YBX1: variants seen among roughly 807,000 people sequenced by gnomAD.
The protein encoded by YBX1 is Y-box-binding protein 1.
A neutral mutation model predicts 41.4 loss-of-function variants in YBX1; 3 were observed. That is an observed-to-expected ratio of 0.07 (90% confidence interval 0.03 to 0.19). The LOEUF is 0.19. Ranked by LOEUF, YBX1 falls within the 10% of genes least tolerant of loss-of-function variation. The pLI, the probability that YBX1 is intolerant of heterozygous loss-of-function variation, is 1.00. For synonymous variants in YBX1, 133 were observed against 165.8 expected, an observed-to-expected ratio of 0.80 and a Z score of 1.52; for missense variants, 274 against 462.8, an observed-to-expected ratio of 0.59 and a Z score of 3.74.
intron 6 of YBX1, among the ~76,000 whole-genome samples, chr1:42,700,322 G>A (rs1650563137): frequency 6.6e-6 from 1 of 152,032 alleles, no homozygotes; most frequent in Non-Finnish European, 1.5e-5. Context: ...TCTTTATCTT[G>A]GTGATTAAAA....
chr1:42,701,267 A>C (rs1020823829), intron 7 of YBX1, among the ~76,000 whole-genome samples: 1 of 152,304 alleles, frequency 6.6e-6, no homozygotes, highest in Middle Eastern at 3.4e-3. Context: ...CAATTCTGAC[A>C]CTGGAGACCT....
At chr1:42,690,296 CAT>C (rs1000422870) in intron 2 of YBX1, among the ~76,000 whole-genome samples, 1 of 150,682 alleles carries the variant, frequency 6.6e-6, no homozygotes, top group Admixed American at 6.6e-5. Flanking sequence ...GCAAATATCA[CAT>C]ATATTTCCAT....
At chr1:42,695,478 T>G (rs1269093518) in intron 3 of YBX1, among the ~76,000 whole-genome samples, 1 of 152,210 alleles carries the variant, frequency 6.6e-6, no homozygotes, top group Non-Finnish European at 1.5e-5. Context: ...ATAATGAGAT[T>G]GAATAGATAG....
intron 2 of YBX1, among the ~76,000 whole-genome samples, chr1:42,692,491 A>G (rs1163558197): frequency 3.3e-5 from 5 of 152,176 alleles, no homozygotes; most frequent in Admixed American, 2.6e-4. Flanking sequence ...AAATGTTCTT[A>G]TAATAATCCA....
chr1:42,701,218 A>C (rs1238549411), intron 7 of YBX1, among the ~76,000 whole-genome samples, 172 bp downstream of exon 7: 1 of 152,168 alleles, frequency 6.6e-6, no homozygotes, highest in African/African-American at 2.4e-5. Context: ...AGGAATATTG[A>C]ATATCAGAGT....
chr1:42,694,527 C>T (rs1650413782), intron 3 of YBX1, among the ~76,000 whole-genome samples: 1 of 152,168 alleles, frequency 6.6e-6, no homozygotes, highest in African/African-American at 2.4e-5. Context: ...TCCATACTCA[C>T]ATTTAATTAG....
Position 42,698,733 on chromosome 1 carries a change from T to A in YBX1, c.740+1471T>A, listed in dbSNP as rs780191691. Among the ~76,000 whole-genome samples the A allele has an allele frequency of 2.7e-5, 4 of 150,152 alleles. No homozygotes were observed. The South Asian group carries it at 8.3e-4, about 31-fold the overall frequency. On this transcript the variant is annotated intron_variant, in intron 6 of 7. Transcript: ENST00000321358. The stretch of plus-strand genomic sequence containing the variant: ...CATTGTTACCCCTCCAGTGCAGAGG[T>A]TTTTGCCTTTTGGTTTAAGTTAGAC...
At chr1:42,683,335 C>G in intron 1 of YBX1, 68 bp from the exon 2 acceptor site, 1 of 1,602,228 alleles carries the variant, frequency 6.2e-7, no homozygotes, top group Non-Finnish European at 8.6e-7. Flanking sequence ...ACCGGATGCC[C>G]AAGCCGGGCG....
At chr1:42,686,659 A>G (rs1251633831) in intron 2 of YBX1, among the ~76,000 whole-genome samples, 1 of 152,216 alleles carries the variant, frequency 6.6e-6, no homozygotes, top group Non-Finnish European at 1.5e-5. Context: ...TGGGGATTCC[A>G]TATGTACATA....
rs561343070 is a variant in YBX1, at chr1:42,683,823, A to C, written c.230+357A>C. Among the ~76,000 whole-genome samples the C allele has an allele frequency of 2.0e-5, 3 of 151,986 alleles. No homozygotes were observed. In the East Asian group the frequency reaches 5.8e-4, roughly 29 times the overall value. On this transcript the variant is annotated intron_variant, in intron 2 of 7. Transcript: ENST00000321358. Reference sequence around the variant, plus strand: ...TTGTCATCTTTTTCTACTTTATTGAACTCGGTATTTGAGAATGTGATCCAC... The same window carrying C: ...TTGTCATCTTTTTCTACTTTATTGACCTCGGTATTTGAGAATGTGATCCAC...
At chr1:42,695,994 T>TG (rs1409660174) in intron 3 of YBX1, among the ~76,000 whole-genome samples, 3 of 152,230 alleles carry the variant, frequency 2.0e-5, no homozygotes, top group Non-Finnish European at 4.4e-5. Flanking sequence ...GGTACAATGC[T>TG]GGGGCCTTGT....
intron 2 of YBX1, among the ~76,000 whole-genome samples, chr1:42,691,201 C>G (rs1650320024): frequency 6.6e-6 from 1 of 152,208 alleles, no homozygotes. Flanking sequence ...ATACCTTGAG[C>G]TTGAGGCCCT....
chr1:42,696,522 C>CCTTTT lies in YBX1; in HGVS notation c.355-120_355-119insCTTTT. ...GGTCACGCAGTTGCGCCCCCCCCCC[C>CCTTTT]TTTTTTTTCCTTAACTTTGTTGTTT... On this transcript the variant is annotated intron_variant, in intron 4 of 7. Coordinates refer to ENST00000321358, the MANE Select transcript of YBX1 (RefSeq NM_004559.5). The surrounding 1 kb of genome is among the most constrained non-coding windows in gnomAD (Gnocchi z 5.7). The CCTTTT allele has an allele frequency of 6.3e-6, 4 of 637,568 alleles. No homozygotes were observed. Among genetic ancestry groups the CCTTTT allele is most frequent in the Non-Finnish European group, 4.8e-6 (2 of 420,684 alleles). 39.5% of individuals were successfully genotyped at this position (637,568 alleles called of 1,614,324 possible).
chr1:42,691,440 C>G (rs535742791), intron 2 of YBX1, among the ~76,000 whole-genome samples: 1 of 152,302 alleles, frequency 6.6e-6, no homozygotes, highest in South Asian at 2.1e-4. Context: ...ACTGCACCCT[C>G]ATTTCCGGGA....
intron 6 of YBX1, 109 bp from the exon 7 acceptor site, chr1:42,700,672 C>CA (rs1194367219): frequency 1.2e-6 from 1 of 801,756 alleles, no homozygotes; most frequent in Non-Finnish European, 1.8e-6. Context: ...CCACTTGATA[C>CA]AGAATGGGCC....
chr1:42,684,404 T>TA, intron 2 of YBX1, among the ~76,000 whole-genome samples: 1 of 152,306 alleles, frequency 6.6e-6, no homozygotes, highest in African/African-American at 2.4e-5. Flanking sequence ...GCCTCACAGG[T>TA]ATGGTACTTA....
At chr1:42,684,359 G>A (rs1444015760) in intron 2 of YBX1, among the ~76,000 whole-genome samples, 2 of 152,340 alleles carry the variant, frequency 1.3e-5, no homozygotes, top group African/African-American at 2.4e-5. Flanking sequence ...TAGTTACATG[G>A]GTGCAGAGCA....
Position 42,682,586 on chromosome 1 carries a change from C to T in YBX1, c.21C>T (p.Thr7=). The T allele has an allele frequency of 5.5e-6, 8 of 1,458,972 alleles. No individual in the cohort carries two copies. Among genetic ancestry groups the T allele is most frequent in the Non-Finnish European group, 7.2e-6 (8 of 1,110,232 alleles). The allele number at this position is 1,458,972 out of a possible 1,614,324, so 90.4% of individuals were successfully genotyped here. A position where few individuals can be genotyped will look rare whatever the true frequency, so the allele number is the denominator to read the frequency against. The part of the protein sequence containing the change: MSSEAE[T]QQPPAAPPAA... The stretch of plus-strand genomic sequence containing the variant: ...CAACCATGAGCAGCGAGGCCGAGAC[C>T]CAGCAGCCGCCCGCCGCCCCCCCCG... Residue 7 remains threonine (T), a synonymous_variant, in exon 1 of 8, where the codon ACC becomes ACT. Transcript: ENST00000321358.
chr1:42,683,225 C>T, intron 1 of YBX1, 178 bp from the exon 2 acceptor site: 2 of 755,138 alleles, frequency 2.6e-6, no homozygotes, highest in Non-Finnish European at 4.7e-6. Context: ...GCGCTTCAGA[C>T]TCACCCACGT....
Sources: allele counts gnomAD v4.1 joint callset (sites outside exome capture counted in the v4.1 genomes callset), GRCh38; gene constraint gnomAD v4.1.1; non-coding constraint Gnocchi (gnomAD v3.1); transcripts MANE v1.5; gene names NCBI Gene and HGNC (gene_info 2026-07-23, HGNC 2026-07-21).